Variants in OPRM1 observed in about 807,000 individuals in gnomAD.
The protein encoded by OPRM1 is mu-type opioid receptor.
Under a neutral mutation model 31.8 loss-of-function variants are expected in OPRM1, and 27 were observed. That is an observed-to-expected ratio of 0.85 (90% confidence interval 0.63 to 1.17). The LOEUF (loss-of-function observed/expected upper bound fraction) is 1.17. OPRM1 is among the 50% of genes most tolerant of loss of function. The pLI is 0.00. For missense variants in OPRM1, 536 were observed against 511.1 expected (o/e 1.05, Z -0.47); for synonymous variants, 196 against 189.9 (o/e 1.03, Z -0.26).
intron 3 of OPRM1, among the ~76,000 whole-genome samples, chr6:154,192,318 CTG>C (rs56231733): frequency 0.14 from 20,748 of 147,816 alleles, 1,557 homozygotes; most frequent in Admixed American, 0.24. Flanking sequence ...CACGTGGTTA[CTG>C]TGTGTGTGTG....
chr6:154,072,172 T>C (rs996970854), intron 1 of OPRM1, among the ~76,000 whole-genome samples: 5 of 152,202 alleles, frequency 3.3e-5, no homozygotes, highest in South Asian at 2.1e-4. Context: ...TTTATTCTTA[T>C]TGGAGGGAAA....
chr6:154,120,926 G>C lies in OPRM1; in HGVS notation c.*2205G>C, dbSNP rs1797263971. Among the ~76,000 whole-genome samples the C allele has an allele frequency of 1.3e-5, 2 of 152,106 alleles. No homozygotes were observed. The highest frequency in any genetic ancestry group is 1.3e-4 in the Admixed American group (2 of 15,256). ...CTACACAGAATACACAATAAAGGGA[G>C]TTATTTTTAAAATAAGACATTCTAA... is the stretch of plus-strand genomic sequence containing the variant. On this transcript the variant is annotated 3_prime_UTR_variant, in exon 4 of 4. Coordinates refer to ENST00000330432, the MANE Select transcript of OPRM1 (RefSeq NM_000914.5).
intron 3 of OPRM1, among the ~76,000 whole-genome samples, chr6:154,105,250 A>T (rs1795411671): frequency 6.6e-6 from 1 of 152,248 alleles, no homozygotes; most frequent in African/African-American, 2.4e-5. Flanking sequence ...AATTTTGTTC[A>T]TAGGAGTACA....
chr6:154,103,175 A>G (rs1227917184), intron 3 of OPRM1, among the ~76,000 whole-genome samples: 3 of 152,212 alleles, frequency 2.0e-5, no homozygotes, highest in Non-Finnish European at 4.4e-5. Flanking sequence ...AACACAAATC[A>G]TAATCTCTGA....
At chr6:154,021,520 T>C (rs1180238945) in intron 1 of OPRM1, among the ~76,000 whole-genome samples, 2 of 152,240 alleles carry the variant, frequency 1.3e-5, no homozygotes, top group Admixed American at 6.5e-5. Flanking sequence ...TGATTGGGTC[T>C]GCCTTGGATC....
At chr6:154,243,118 C>T (rs901542116) in intron 3 of OPRM1, among the ~76,000 whole-genome samples, 1 of 152,114 alleles carries the variant, frequency 6.6e-6, no homozygotes, top group African/African-American at 2.4e-5. Context: ...AGCCAGCCCA[C>T]GTGCTAACAG....
At chr6:154,030,612 A>C (rs111610794) in intron 1 of OPRM1, among the ~76,000 whole-genome samples, 1 of 151,400 alleles carries the variant, frequency 6.6e-6, no homozygotes, top group African/African-American at 2.5e-5. Flanking sequence ...TTTTTAGTAC[A>C]AAAAAAATTT....
intron 3 of OPRM1, among the ~76,000 whole-genome samples, chr6:154,112,012 G>A (rs138967358): frequency 0.03 from 4,537 of 152,162 alleles, 210 homozygotes; most frequent in African/African-American, 0.1. Flanking sequence ...TGATCCGCCC[G>A]CCTCGGCCTC....
At chr6:154,180,994 T>C (rs540969505) in intron 3 of OPRM1, among the ~76,000 whole-genome samples, 1 of 152,178 alleles carries the variant, frequency 6.6e-6, no homozygotes, top group East Asian at 1.9e-4. Flanking sequence ...AACTATATAG[T>C]CATTTGGGTA....
Position 154,119,191 on chromosome 6 carries a change from T to A in OPRM1, c.*470T>A, listed in dbSNP as rs1386825668. ...GTGTTTTGCAAGGGAATGAATCCAT[T>A]ATTCTATTTTAGACTTTTAACTTCA... On this transcript the variant is annotated 3_prime_UTR_variant, in exon 4 of 4. Transcript: ENST00000330432. 1 of 986,544 alleles carries A rather than the reference T, an allele frequency of 1.0e-6. No individual in the cohort carries two copies. The highest frequency in any genetic ancestry group is 1.2e-6 in the Non-Finnish European group (1 of 830,506). The allele number at this position is 986,544 out of a possible 1,614,324, so 61.1% of individuals were successfully genotyped here.
At chr6:154,027,696 G>T (rs1583145592) in intron 1 of OPRM1, among the ~76,000 whole-genome samples, 1 of 152,172 alleles carries the variant, frequency 6.6e-6, no homozygotes. Context: ...ACCACAAAAT[G>T]CAGTCCTTCC....
intron 1 of OPRM1, among the ~76,000 whole-genome samples, chr6:154,025,921 T>C (rs1165966581): frequency 6.6e-6 from 1 of 152,142 alleles, no homozygotes; most frequent in African/African-American, 2.4e-5. Flanking sequence ...GTAGTTATTA[T>C]TTTTTATTGG....
chr6:154,059,081 G>A lies in OPRM1; in HGVS notation c.290+19247G>A, dbSNP rs377630867. Among the ~76,000 whole-genome samples the A allele has an allele frequency of 8.3e-4, 126 of 152,262 alleles. No individual in the cohort carries two copies. The South Asian group carries it at 9.1e-3, about 11-fold the overall frequency. ...GATGGCTGACAGGTATATTAAGGTA[G>A]CTTTTATATCTTACTTTCCAGAATT... On this transcript the variant is annotated intron_variant, in intron 1 of 3. Coordinates refer to ENST00000330432, the MANE Select transcript of OPRM1 (RefSeq NM_000914.5).
At position 154,125,915 on chromosome 6, in the gene OPRM1, G is replaced by C. The variant is rs1233050875; in HGVS notation, c.*7194G>C. Among the ~76,000 whole-genome samples, 2 of 28,582 alleles carry C rather than the reference G, an allele frequency of 7.0e-5. 1 individual carries two copies. Among genetic ancestry groups the C allele is most frequent in the African/African-American group, 1.4e-4 (2 of 14,336 alleles). The allele number at this position is 28,582 out of a possible 152,430, so 18.8% of individuals were successfully genotyped here. A position where few individuals can be genotyped will look rare whatever the true frequency, so the allele number is the denominator to read the frequency against. The stretch of plus-strand genomic sequence containing the variant: ...CCTCCCGGGTTCACGCCATTCTCCT[G>C]CCTCAGCCTCCCAAGTAGCTGGGAC... On this transcript the variant is annotated 3_prime_UTR_variant, in exon 4 of 4. Transcript: ENST00000330432.
rs1055775815 is a variant in OPRM1 at position 154,088,666 on chromosome 6, A to G, written c.291-1160A>G. Among the ~76,000 whole-genome samples the G allele has an allele frequency of 2.0e-5, 3 of 152,236 alleles. No homozygotes were observed. In the East Asian group the frequency reaches 5.8e-4, roughly 29 times the overall value. On this transcript the variant is annotated intron_variant, in intron 1 of 3. Coordinates refer to ENST00000330432, the MANE Select transcript of OPRM1 (RefSeq NM_000914.5). The stretch of plus-strand genomic sequence containing the variant: ...CACGTATCAAAGCTTATCAAATTGT[A>G]TACTTTAATTATGCGTTATTTATTA...
chr6:154,205,455 C>T lies in OPRM1; in HGVS notation c.1165-41238C>T, dbSNP rs567800323. Reference sequence around the variant, plus strand: ...ACTAAAAATACAAAAATTAGCTGGGCGTGGTGGTGCAAGCCTGTAATCCCA... The same window carrying T: ...ACTAAAAATACAAAAATTAGCTGGGTGTGGTGGTGCAAGCCTGTAATCCCA... On this transcript the variant is annotated intron_variant, in intron 3 of 3. Coordinates refer to the OPRM1 transcript ENST00000337049. Among the ~76,000 whole-genome samples, 526 of 152,066 alleles carry T rather than the reference C, an allele frequency of 3.5e-3. 4 individuals are homozygous for T. Among genetic ancestry groups the T allele is most frequent in the African/African-American group, 0.011 (469 of 41,478 alleles).
In OPRM1 at chr6:154,124,210, G is replaced by A. The variant is rs372986801; in HGVS notation, c.*5489G>A. Among the ~76,000 whole-genome samples the A allele has an allele frequency of 1.1e-3, 173 of 152,102 alleles. 1 individual carries two copies. The highest frequency in any genetic ancestry group is 8.9e-4 in the African/African-American group (37 of 41,486). On this transcript the variant is annotated 3_prime_UTR_variant, in exon 4 of 4. Transcript: ENST00000330432. The stretch of plus-strand genomic sequence containing the variant: ...ATTTTTAAAGGAATTTTAAGAGCTC[G>A]GAAATCATTAAAATTAAGTTTATCA...
In OPRM1 at chr6:154,241,894, T is replaced by A. The variant is rs78562610; in HGVS notation, c.1165-4799T>A. ...GTCTCAGTCCCCCATTCACTGGCCC[T>A]AAGTCACCTCTAAATGGAGAAGCTA... On this transcript the variant is annotated intron_variant, in intron 3 of 3. Transcript: ENST00000337049. Among the ~76,000 whole-genome samples the A allele has an allele frequency of 4.7e-3, 714 of 152,304 alleles. 3 individuals carry two copies. The highest frequency in any genetic ancestry group is 0.01 in the Middle Eastern group (3 of 294).
At chr6:154,204,899 C>T (rs914900769) in intron 3 of OPRM1, among the ~76,000 whole-genome samples, 2 of 152,216 alleles carry the variant, frequency 1.3e-5, no homozygotes, top group East Asian at 1.9e-4. Flanking sequence ...ACTCCTCCAC[C>T]TGCATCTCCT....
Sources: allele counts gnomAD v4.1 joint callset (sites outside exome capture counted in the v4.1 genomes callset), GRCh38; gene constraint gnomAD v4.1.1; transcripts MANE v1.5; gene names NCBI Gene and HGNC (gene_info 2026-07-23, HGNC 2026-07-21).